The following CCNY variants were observed in gnomAD, a reference collection of about 807,000 sequenced individuals.
CCNY encodes cyclin-Y.
In CCNY, 19 loss-of-function variants were observed where a neutral mutation model predicts 42.8. The ratio of observed to expected loss-of-function variants is 0.44; its 90% CI spans 0.31 to 0.65. CCNY has a LOEUF of 0.65. Ranked by LOEUF, CCNY falls within the 30% of genes least tolerant of loss-of-function variation. The pLI is 0.07. For synonymous variants in CCNY, 165 were observed against 162.7 expected, an observed-to-expected ratio of 1.01 and a Z score of -0.11; for missense variants, 370 against 437.3, an observed-to-expected ratio of 0.85 and a Z score of 1.37.
chr10:35,460,957 A>G (rs906859211), intron 1 of CCNY, among the ~76,000 whole-genome samples: 1 of 152,022 alleles, frequency 6.6e-6, no homozygotes, highest in African/African-American at 2.4e-5. Context: ...TAGGACATCC[A>G]CTTATTATAA....
chr10:35,307,791 TGTGTG>T (rs1281240986), intron 3 of CCNY, among the ~76,000 whole-genome samples: 1 of 83,918 alleles, frequency 1.2e-5, no homozygotes, highest in African/African-American at 5.5e-5. Flanking sequence ...TGTGTGTGTG[TGTGTG>T]TGTGTATATA....
At chr10:35,514,150 T>G (rs1050268812) in intron 3 of CCNY, among the ~76,000 whole-genome samples, 1 of 151,786 alleles carries the variant, frequency 6.6e-6, no homozygotes, top group Non-Finnish European at 1.5e-5. Context: ...TACAGCTATT[T>G]CGGCTTTTTA....
At chr10:35,540,460 A>G (rs1053339257) in intron 7 of CCNY, among the ~76,000 whole-genome samples, 30 of 152,112 alleles carry the variant, frequency 2.0e-4, no homozygotes, top group Admixed American at 1.2e-3. Context: ...TCTTTTGTTG[A>G]TAATTACATC....
chr10:35,322,427 C>T (rs1296143717), intron 3 of CCNY, among the ~76,000 whole-genome samples: 1 of 150,262 alleles, frequency 6.7e-6, no homozygotes, highest in Non-Finnish European at 1.5e-5. Context: ...TGAAGGGAGT[C>T]AAAGAGTTCT....
intron 1 of CCNY, among the ~76,000 whole-genome samples, chr10:35,364,195 G>A (rs1443924856): frequency 6.6e-6 from 1 of 152,060 alleles, no homozygotes; most frequent in South Asian, 2.1e-4. Context: ...GGGATCCTTA[G>A]ATCTCATTTC....
At chr10:35,414,905 G>A (rs1042081308) in intron 1 of CCNY, among the ~76,000 whole-genome samples, 5 of 152,144 alleles carry the variant, frequency 3.3e-5, no homozygotes, top group African/African-American at 1.2e-4. Flanking sequence ...TTGAGCTGAA[G>A]CCTTGTCAAG....
intron 1 of CCNY, among the ~76,000 whole-genome samples, chr10:35,466,611 T>C (rs1839275316): frequency 6.6e-6 from 1 of 152,200 alleles, no homozygotes; most frequent in African/African-American, 2.4e-5. Flanking sequence ...TTGCTCCCGC[T>C]GTCCCTCACC....
intron 1 of CCNY, among the ~76,000 whole-genome samples, chr10:35,368,578 G>A (rs61843281): frequency 0.016 from 2,454 of 152,282 alleles, 37 homozygotes; most frequent in Non-Finnish European, 0.025. Context: ...TGGACTGTTC[G>A]CATCCACATT....
intron 1 of CCNY, among the ~76,000 whole-genome samples, chr10:35,421,066 A>C (rs919462102): frequency 1.3e-5 from 2 of 152,194 alleles, no homozygotes; most frequent in Non-Finnish European, 2.9e-5. Context: ...GTGTGCACCT[A>C]TGCCAGTGCC....
chr10:35,425,852 AACTT>A (rs1838253488), intron 1 of CCNY, among the ~76,000 whole-genome samples: 1 of 152,118 alleles, frequency 6.6e-6, no homozygotes, highest in Admixed American at 6.5e-5. Context: ...AAACAACAAA[AACTT>A]ACCCTTGTTA....
At chr10:35,394,735 G>A in intron 1 of CCNY, 1 of 454,976 alleles carries the variant, frequency 2.2e-6, no homozygotes, top group Non-Finnish European at 2.9e-6. Flanking sequence ...TGTTTGTTTT[G>A]TTTTTAGGGC....
At chr10:35,317,516 T>C (rs916581474) in intron 3 of CCNY, among the ~76,000 whole-genome samples, 10 of 152,230 alleles carry the variant, frequency 6.6e-5, no homozygotes, top group Admixed American at 5.9e-4. Flanking sequence ...CTTTGACTTA[T>C]GCCAGGTTTG....
intron 1 of CCNY, among the ~76,000 whole-genome samples, chr10:35,375,023 T>C (rs895200784): frequency 5.9e-5 from 9 of 151,726 alleles, no homozygotes; most frequent in African/African-American, 2.2e-4. Context: ...TCTTATGAAA[T>C]GAGTTGGGGT....
At position 35,516,562 on chromosome 10, in the gene CCNY, T is replaced by A; in HGVS notation, c.304T>A (p.Ser102Thr). The A allele has an allele frequency of 6.2e-7, 1 of 1,613,038 alleles. No homozygotes were observed. Among genetic ancestry groups the A allele is most frequent in the Non-Finnish European group, 8.5e-7 (1 of 1,179,704 alleles). ...AATAGCAAGGAAATACAGTTCCTGC[T>A]CCACCATTTTCCTAGATGATAGCAC... ...GQIARKYSSC[S>T]TIFLDDSTVS... The change falls in exon 4 of 10, where the codon TCC becomes ACC. Residue 102 changes from serine (S) to threonine (T), a missense_variant. Physicochemically the swap from Ser to Thr is moderately conservative, Grantham distance 58. Coordinates refer to ENST00000374704, the MANE Select transcript of CCNY (RefSeq NM_145012.6).
intron 1 of CCNY, among the ~76,000 whole-genome samples, chr10:35,403,399 G>C (rs1231413148): frequency 6.6e-6 from 1 of 152,154 alleles, no homozygotes; most frequent in African/African-American, 2.4e-5. Context: ...TTTCAGCAGG[G>C]CAGTAGGTGG....
At chr10:35,410,863 C>T (rs938535437) in intron 1 of CCNY, among the ~76,000 whole-genome samples, 1 of 152,128 alleles carries the variant, frequency 6.6e-6, no homozygotes, top group Non-Finnish European at 1.5e-5. Context: ...TTCCAGGTGA[C>T]GCTGATGTCG....
At chr10:35,540,510 T>C (rs905608147) in intron 7 of CCNY, among the ~76,000 whole-genome samples, 8 of 152,190 alleles carry the variant, frequency 5.3e-5, no homozygotes, top group African/African-American at 1.9e-4. Flanking sequence ...AGCTTTGGTT[T>C]TGGTATCAGG....
rs1179509243 is a variant in CCNY at position 35,572,306 on chromosome 10, G to C, written c.*3136G>C. 3.3e-5 allele frequency: 5 copies of C among 151,718 alleles called. No homozygotes were observed. The highest frequency in any genetic ancestry group is 6.6e-5 in the Admixed American group (1 of 15,244). The allele number at this position is 151,718 out of a possible 1,614,324, so 9.4% of individuals were successfully genotyped here. A position where few individuals can be genotyped will look rare whatever the true frequency, so the allele number is the denominator to read the frequency against. On this transcript the variant is annotated 3_prime_UTR_variant, in exon 10 of 10. Coordinates refer to ENST00000374704, the MANE Select transcript of CCNY (RefSeq NM_145012.6). ...TTTTTTTTTTTCTTTTTTTGAGATG[G>C]AGTCTCGCTCTTGTCACCCAGGCTG...
At chr10:35,546,410 ACTT>A (rs1462220597) in intron 7 of CCNY, among the ~76,000 whole-genome samples, 1 of 152,144 alleles carries the variant, frequency 6.6e-6, no homozygotes, top group Non-Finnish European at 1.5e-5. Context: ...TTCCAGAGAG[ACTT>A]CTTAGGATAG....
Sources: gnomAD v4.1 joint callset for allele counts (sites outside exome capture counted in the v4.1 genomes callset) on GRCh38, gnomAD v4.1.1 for gene constraint, MANE v1.5 for transcripts, NCBI Gene and HGNC (gene_info 2026-07-23, HGNC 2026-07-21) for gene names.